The following CHD9 variants were observed in gnomAD, a reference collection of about 807,000 sequenced individuals.
The protein encoded by CHD9 is chromodomain helicase DNA binding protein 9, also known as ATP-dependent chromatin remodeler CHD9.
Under a neutral mutation model 316.1 loss-of-function variants are expected in CHD9, and 77 were observed. The ratio of observed to expected loss-of-function variants is 0.24; its 90% CI spans 0.20 to 0.29. CHD9 has a LOEUF of 0.29. Among genes scored for constraint, CHD9 ranks in the 10% least tolerant of loss-of-function variants. The pLI, the probability that CHD9 is intolerant of heterozygous loss-of-function variation, is 1.00. For synonymous variants in CHD9, 1,129 were observed against 1,158.3 expected (o/e 0.97, Z 0.51); for missense variants, 2,763 against 3,438.1 (o/e 0.80, Z 4.91).
At chr16:53,101,529 C>T (rs537002123) in intron 1 of CHD9, among the ~76,000 whole-genome samples, 7 of 152,122 alleles carry the variant, frequency 4.6e-5, no homozygotes, top group Admixed American at 4.6e-4. Context: ...GAAGTTACTG[C>T]CTGGTGTACA....
At chr16:53,257,655 G>A (rs1014130951) in intron 19 of CHD9, among the ~76,000 whole-genome samples, 2 of 152,140 alleles carry the variant, frequency 1.3e-5, no homozygotes, top group African/African-American at 4.8e-5. Context: ...GAAAGTATTG[G>A]AGCTGTTGTA....
intron 2 of CHD9, among the ~76,000 whole-genome samples, chr16:53,184,255 A>C (rs1339387931): frequency 6.6e-6 from 1 of 152,148 alleles, no homozygotes; most frequent in African/African-American, 2.4e-5. Context: ...TCTTATCTCA[A>C]TCACTAAAAG....
chr16:53,271,228 A>G (rs11862239), intron 22 of CHD9, among the ~76,000 whole-genome samples: 46 of 152,222 alleles, frequency 3.0e-4, no homozygotes, highest in African/African-American at 1.1e-3. Context: ...AAAACAGCCA[A>G]GGATTATCAG....
intron 2 of CHD9, among the ~76,000 whole-genome samples, chr16:53,176,703 A>G (rs951416610): frequency 5.3e-5 from 8 of 152,200 alleles, no homozygotes; most frequent in African/African-American, 1.9e-4. Flanking sequence ...ATTTAGTGGT[A>G]TAGAGTGAAG....
chr16:53,083,482 C>A (rs1214954633), intron 1 of CHD9, among the ~76,000 whole-genome samples: 1 of 152,204 alleles, frequency 6.6e-6, no homozygotes, highest in African/African-American at 2.4e-5. Flanking sequence ...CCCTCTTTCT[C>A]TGCCTGTTAG....
At chr16:53,234,450 T>A (rs2048441801) in intron 10 of CHD9, among the ~76,000 whole-genome samples, 2 of 152,190 alleles carry the variant, frequency 1.3e-5, no homozygotes, top group South Asian at 4.1e-4. Context: ...TTAAATGTTA[T>A]GCTAGTTTTG....
At position 53,248,819 on chromosome 16, in the gene CHD9, G is replaced by A. The variant is rs185843194; in HGVS notation, c.3666-1052G>A. Among the ~76,000 whole-genome samples the A allele has an allele frequency of 2.6e-5, 4 of 152,118 alleles. No individual in the cohort carries two copies. The East Asian group carries it at 7.7e-4, about 29-fold the overall frequency. On this transcript the variant is annotated intron_variant, in intron 16 of 38. Transcript: ENST00000447540. Reference sequence around the variant, plus strand: ...TTATAGGCATGAGCCACTGCACCTGGCTTGCAGATTTTAATTCAATAGATT... The same window carrying A: ...TTATAGGCATGAGCCACTGCACCTGACTTGCAGATTTTAATTCAATAGATT...
chr16:53,092,630 G>A (rs1352126205), intron 1 of CHD9, among the ~76,000 whole-genome samples: 2 of 152,020 alleles, frequency 1.3e-5, no homozygotes, highest in African/African-American at 4.8e-5. Context: ...TGTCTGTTAC[G>A]TGTAACCCCT....
chr16:53,210,269 A>G (rs1266985060), intron 3 of CHD9, among the ~76,000 whole-genome samples: 2 of 149,646 alleles, frequency 1.3e-5, no homozygotes, highest in African/African-American at 4.9e-5. Context: ...TAAAACCACA[A>G]CTTTGGACTG....
intron 37 of CHD9, chr16:53,321,262 C>G: frequency 7.4e-7 from 1 of 1,355,424 alleles, no homozygotes; most frequent in Non-Finnish European, 9.6e-7. Context: ...GGCTATATGG[C>G]CTGTCCAGCA....
chr16:53,189,534 C>CTA (rs1186136606), intron 2 of CHD9, among the ~76,000 whole-genome samples: 4 of 150,976 alleles, frequency 2.6e-5, no homozygotes, highest in Admixed American at 6.6e-5. Context: ...ATCTCTCTCT[C>CTA]TATATATATA....
intron 38 of CHD9, among the ~76,000 whole-genome samples, chr16:53,323,327 C>T (rs2057390177): frequency 6.6e-6 from 1 of 152,180 alleles, no homozygotes; most frequent in Non-Finnish European, 1.5e-5. Context: ...TTTCAAGTTA[C>T]ATATGTGGCT....
chr16:53,126,388 TC>T (rs2038969202), intron 1 of CHD9, among the ~76,000 whole-genome samples: 1 of 152,244 alleles, frequency 6.6e-6, no homozygotes, highest in African/African-American at 2.4e-5. Context: ...ATTTCTGGAT[TC>T]TATAGTTTAT....
intron 29 of CHD9, among the ~76,000 whole-genome samples, chr16:53,295,900 T>A (rs1012422408): frequency 3.3e-5 from 5 of 152,218 alleles, no homozygotes; most frequent in African/African-American, 1.2e-4. Context: ...TCTCAAAGCA[T>A]CAGGAGCTTT....
intron 34 of CHD9, 146 bp downstream of exon 34, chr16:53,309,000 T>A: frequency 1.6e-6 from 1 of 628,324 alleles, no homozygotes; most frequent in Non-Finnish European, 2.5e-6. Context: ...TTTTAAATCT[T>A]AACAAATATT....
chr16:53,323,926 A>G (rs2057427100), intron 38 of CHD9, 94 bp from the exon 39 acceptor site: 1 of 1,049,248 alleles, frequency 9.5e-7, no homozygotes, highest in Non-Finnish European at 1.4e-6. Flanking sequence ...TTTACAAATA[A>G]TTACCTATTT....
chr16:53,141,528 G>A (rs1489012063), intron 1 of CHD9, among the ~76,000 whole-genome samples: 4 of 152,194 alleles, frequency 2.6e-5, no homozygotes, highest in Non-Finnish European at 5.9e-5. Flanking sequence ...TCATGAAAAT[G>A]ATATGTTGTT....
chr16:53,212,428 T>TA (rs1567489363), intron 3 of CHD9, among the ~76,000 whole-genome samples: 2 of 151,264 alleles, frequency 1.3e-5, no homozygotes, highest in Non-Finnish European at 3.0e-5. Flanking sequence ...AAATTTTTTT[T>TA]AAAGTAACTA....
chr16:53,106,039 C>T (rs1396971514), intron 1 of CHD9, among the ~76,000 whole-genome samples: 2 of 151,890 alleles, frequency 1.3e-5, no homozygotes, highest in African/African-American at 2.4e-5. Flanking sequence ...GACCAGGCTT[C>T]GAACTCCTGA....
Sources: allele counts gnomAD v4.1 joint callset (sites outside exome capture counted in the v4.1 genomes callset), GRCh38; gene constraint gnomAD v4.1.1; transcripts MANE v1.5; gene names NCBI Gene and HGNC (gene_info 2026-07-23, HGNC 2026-07-21).